Variants in MAGI1 observed in about 807,000 individuals in gnomAD.
The protein encoded by MAGI1 is membrane-associated guanylate kinase, WW and PDZ domain-containing protein 1.
In MAGI1, 58 loss-of-function variants were observed where a neutral mutation model predicts 139.9. The ratio of observed to expected loss-of-function variants is 0.41; its 90% confidence interval spans 0.34 to 0.52. MAGI1 has a LOEUF of 0.52. MAGI1 is among the 20% of genes least tolerant of loss of function. The probability of loss-of-function intolerance (pLI) is 0.12; values close to 1 mark genes in which losing one functional copy is unlikely to be tolerated. For synonymous variants in MAGI1, 812 were observed against 737.9 expected (o/e 1.10, Z -1.63); for missense variants, 1,874 against 1,901.6 (o/e 0.99, Z 0.27).
At chr3:65,644,659 T>C (rs1181919604) in intron 1 of MAGI1, among the ~76,000 whole-genome samples, 1 of 151,194 alleles carries the variant, frequency 6.6e-6, no homozygotes, top group African/African-American at 2.4e-5. Flanking sequence ...GACAAGAAAA[T>C]GGAGGAGACA....
intron 4 of MAGI1, among the ~76,000 whole-genome samples, chr3:65,475,600 T>A (rs944959792): frequency 6.6e-6 from 1 of 152,228 alleles, no homozygotes; most frequent in Non-Finnish European, 1.5e-5. Flanking sequence ...AGTCTAACTC[T>A]ACCTTCATTA....
intron 2 of MAGI1, among the ~76,000 whole-genome samples, chr3:65,529,572 C>T (rs2078542705): frequency 6.6e-6 from 1 of 152,170 alleles, no homozygotes; most frequent in South Asian, 2.1e-4. Context: ...TGTATTCTCT[C>T]ACATGGATAT....
chr3:65,959,427 A>G (rs1307692703), intron 1 of MAGI1, among the ~76,000 whole-genome samples: 1 of 152,156 alleles, frequency 6.6e-6, no homozygotes, highest in East Asian at 1.9e-4. Context: ...GTCTGTGCAC[A>G]GTAAGTGAGT....
At chr3:65,790,674 G>C (rs1487737765) in intron 1 of MAGI1, among the ~76,000 whole-genome samples, 1 of 152,230 alleles carries the variant, frequency 6.6e-6, no homozygotes, top group Non-Finnish European at 1.5e-5. Context: ...AAGTGGGAAA[G>C]GGGTAGCCCA....
At chr3:65,838,153 T>TA (rs1325484908) in intron 1 of MAGI1, among the ~76,000 whole-genome samples, 14 of 152,048 alleles carry the variant, frequency 9.2e-5, no homozygotes, top group African/African-American at 3.1e-4. Flanking sequence ...TTACTAAAAA[T>TA]ACAAAAAAAT....
intron 1 of MAGI1, among the ~76,000 whole-genome samples, chr3:65,989,789 C>T (rs1385963128): frequency 6.6e-6 from 1 of 152,198 alleles, no homozygotes. Flanking sequence ...CCGCCCACCT[C>T]AGCTTCCCAA....
At chr3:65,555,658 C>T (rs1049391798) in intron 2 of MAGI1, among the ~76,000 whole-genome samples, 4 of 152,120 alleles carry the variant, frequency 2.6e-5, no homozygotes, top group African/African-American at 9.7e-5. Context: ...AAGGTCAAGA[C>T]CAGGCTGGGC....
chr3:65,757,636 T>C (rs1421410863), intron 1 of MAGI1, among the ~76,000 whole-genome samples: 1 of 152,154 alleles, frequency 6.6e-6, no homozygotes, highest in African/African-American at 2.4e-5. Flanking sequence ...AGACTTCATC[T>C]CAATAAATTA....
At chr3:65,555,729 G>C (rs574030370) in intron 2 of MAGI1, among the ~76,000 whole-genome samples, 29 of 152,186 alleles carry the variant, frequency 1.9e-4, no homozygotes, top group African/African-American at 7.0e-4. Context: ...ATAGTGATGC[G>C]TGCCTGTGGT....
At chr3:65,551,102 G>C (rs1301806068) in intron 2 of MAGI1, among the ~76,000 whole-genome samples, 1 of 152,090 alleles carries the variant, frequency 6.6e-6, no homozygotes, top group Non-Finnish European at 1.5e-5. Context: ...CTGGATCATG[G>C]GGGCGATTTC....
intron 2 of MAGI1, chr3:65,619,961 C>T (rs2083578331): frequency 1.0e-6 from 1 of 985,372 alleles, no homozygotes; most frequent in East Asian, 1.1e-4. Context: ...CAAAAACAAA[C>T]ATGATTTTTC....
chr3:66,024,975 G>T (rs910758356), intron 1 of MAGI1, among the ~76,000 whole-genome samples: 33 of 152,116 alleles, frequency 2.2e-4, no homozygotes, highest in Non-Finnish European at 4.7e-4. Flanking sequence ...CTCTGGGGGG[G>T]TAAAATGATG....
In MAGI1 at chr3:65,853,726, A is replaced by G. The variant is rs190247427; in HGVS notation, c.313+184270T>C. Among the ~76,000 whole-genome samples the G allele has an allele frequency of 2.0e-5, 3 of 152,304 alleles. No homozygotes were observed. In the East Asian group the frequency reaches 5.8e-4, roughly 29 times the overall value. ...GACCATATTTTATTAAATGATTTCA[A>G]AATGCTTCTCTCTGTTTGATGCATT... On this transcript the variant is annotated intron_variant, in intron 1 of 22. Transcript: ENST00000402939.
chr3:65,359,469 G>A, intron 22 of MAGI1: 1 of 1,099,046 alleles, frequency 9.1e-7, no homozygotes, highest in Non-Finnish European at 1.1e-6. Flanking sequence ...TGACAGGCTG[G>A]CATAGGAGAG....
At chr3:65,884,039 A>C (rs1559975522) in intron 1 of MAGI1, among the ~76,000 whole-genome samples, 1 of 152,242 alleles carries the variant, frequency 6.6e-6, no homozygotes, top group African/African-American at 2.4e-5. Context: ...GCAGAAAAGC[A>C]AGACAGAATA....
intron 1 of MAGI1, among the ~76,000 whole-genome samples, chr3:65,989,416 A>G (rs948940170): frequency 6.6e-6 from 1 of 152,156 alleles, no homozygotes; most frequent in East Asian, 1.9e-4. Flanking sequence ...ATCTTCCCAC[A>G]TGAGTCTAAT....
At chr3:65,875,811 G>C (rs1191808126) in intron 1 of MAGI1, among the ~76,000 whole-genome samples, 1 of 152,156 alleles carries the variant, frequency 6.6e-6, no homozygotes, top group Non-Finnish European at 1.5e-5. Context: ...CGCCACTGCT[G>C]TTCCTGTCTC....
At chr3:65,742,891 G>T (rs928209616) in intron 1 of MAGI1, among the ~76,000 whole-genome samples, 1 of 152,180 alleles carries the variant, frequency 6.6e-6, no homozygotes, top group Non-Finnish European at 1.5e-5. Flanking sequence ...TCAACAATAT[G>T]TCTGGGAAAT....
intron 1 of MAGI1, among the ~76,000 whole-genome samples, chr3:65,761,931 T>C (rs958659692): frequency 2.0e-5 from 3 of 152,156 alleles, no homozygotes; most frequent in African/African-American, 4.8e-5. Flanking sequence ...GCATTTTCCA[T>C]CTTGTTCTTA....
Sources: gnomAD v4.1 joint callset for allele counts (sites outside exome capture counted in the v4.1 genomes callset) on GRCh38, gnomAD v4.1.1 for gene constraint, MANE v1.5 for transcripts, NCBI Gene and HGNC (gene_info 2026-07-23, HGNC 2026-07-21) for gene names.